PTH2R: variants seen among roughly 807,000 people sequenced by gnomAD.
PTH2R encodes parathyroid hormone 2 receptor.
A neutral mutation model predicts 60.3 loss-of-function variants in PTH2R; 59 were observed. The ratio of observed to expected loss-of-function variants is 0.98; its 90% CI spans 0.79 to 1.22. PTH2R has a LOEUF of 1.22. Among genes scored for constraint, PTH2R ranks in the 50% most tolerant of loss-of-function variants. PTH2R has a pLI of 0.00. For synonymous variants in PTH2R, 256 were observed against 243.8 expected, an observed-to-expected ratio of 1.05 and a Z score of -0.47; for missense variants, 749 against 682.6, an observed-to-expected ratio of 1.10 and a Z score of -1.08.
chr2:208,427,877 AATT>A (rs1370611031), intron 1 of PTH2R, among the ~76,000 whole-genome samples: 2 of 150,910 alleles, frequency 1.3e-5, no homozygotes, highest in Non-Finnish European at 3.0e-5. Flanking sequence ...TCTCTAATAT[AATT>A]ATTTTATTTT....
chr2:208,475,333 A>G (rs1323361457), intron 9 of PTH2R, among the ~76,000 whole-genome samples: 1 of 152,180 alleles, frequency 6.6e-6, no homozygotes, highest in Non-Finnish European at 1.5e-5. Context: ...TAGTACATAC[A>G]TCTAAGCTAT....
intron 6 of PTH2R, 25 bp from the exon 7 acceptor site, chr2:208,444,709 T>C: frequency 6.2e-7 from 1 of 1,606,380 alleles, no homozygotes; most frequent in Non-Finnish European, 8.5e-7. Flanking sequence ...TCTAATATGA[T>C]GAAATTCTGG....
chr2:208,429,597 C>T (rs530917987), intron 2 of PTH2R, among the ~76,000 whole-genome samples: 123 of 152,020 alleles, frequency 8.1e-4, no homozygotes, highest in African/African-American at 2.9e-3. Flanking sequence ...ATATCTTTTC[C>T]AATCCTTTAA....
At chr2:208,361,004 T>G (rs1574801944) in intron 1 of PTH2R, 2 of 224,522 alleles carry the variant, frequency 8.9e-6, no homozygotes, top group East Asian at 1.1e-4. Flanking sequence ...GGCTTCTTGA[T>G]GTACTTGCAC....
intron 9 of PTH2R, among the ~76,000 whole-genome samples, chr2:208,469,013 A>G (rs1217789473): frequency 1.3e-5 from 2 of 152,226 alleles, no homozygotes; most frequent in Non-Finnish European, 2.9e-5. Flanking sequence ...TTGTGAGTTC[A>G]TTTTATGCAA....
rs1703467638 is a variant in PTH2R, at chr2:208,493,742, T to C, written c.*83T>C. On this transcript the variant is annotated 3_prime_UTR_variant, in exon 13 of 13. Coordinates refer to ENST00000272847, the MANE Select transcript of PTH2R (RefSeq NM_005048.4). The stretch of plus-strand genomic sequence containing the variant: ...CTTGGCTGATACTCCTATGCTTGAG[T>C]TCAAAGGCTGAAAATTCAGTTAAGG... 2 of 1,412,184 alleles carry C rather than the reference T, an allele frequency of 1.4e-6. No individual in the cohort carries two copies. The highest frequency in any genetic ancestry group is 1.9e-6 in the Non-Finnish European group (2 of 1,062,982). 87.5% of individuals were successfully genotyped at this position (1,412,184 alleles called of 1,614,324 possible).
intron 8 of PTH2R, among the ~76,000 whole-genome samples, chr2:208,458,391 A>G (rs1702558039): frequency 6.6e-6 from 1 of 152,226 alleles, no homozygotes; most frequent in Admixed American, 6.5e-5. Context: ...TTTTAAAATT[A>G]GGATAAGGTC....
chr2:208,408,734 GAGAGAA>G (rs1476500713), intron 1 of PTH2R, among the ~76,000 whole-genome samples: 20 of 60,494 alleles, frequency 3.3e-4, no homozygotes, highest in African/African-American at 6.0e-4. Flanking sequence ...GAGAGAGAGA[GAGAGAA>G]AGAGAGAGAG....
At chr2:208,434,515 C>T (rs1312832898) in intron 2 of PTH2R, among the ~76,000 whole-genome samples, 1 of 151,846 alleles carries the variant, frequency 6.6e-6, no homozygotes, top group Non-Finnish European at 1.5e-5. Flanking sequence ...CCTTTTAGAG[C>T]ATGAGGAAAA....
chr2:208,450,901 T>C, intron 8 of PTH2R, 92 bp downstream of exon 8: 1 of 1,400,764 alleles, frequency 7.1e-7, no homozygotes, highest in Non-Finnish European at 1.0e-6. Flanking sequence ...CTGTTCTTGA[T>C]GCCATTGCTT....
intron 1 of PTH2R, among the ~76,000 whole-genome samples, chr2:208,362,270 G>A (rs1237446673): frequency 6.6e-6 from 1 of 152,134 alleles, no homozygotes; most frequent in African/African-American, 2.4e-5. Context: ...TCTCTAGCTT[G>A]CATATGGCAT....
intron 1 of PTH2R, among the ~76,000 whole-genome samples, chr2:208,383,545 C>T (rs1280408141): frequency 1.3e-5 from 2 of 152,214 alleles, no homozygotes; most frequent in Non-Finnish European, 2.9e-5. Context: ...TCAATCACAA[C>T]TCCAACAGTT....
intron 9 of PTH2R, among the ~76,000 whole-genome samples, chr2:208,461,884 T>C (rs767047203): frequency 5.3e-5 from 8 of 152,370 alleles, no homozygotes; most frequent in Non-Finnish European, 1.0e-4. Flanking sequence ...AGATTCGCTG[T>C]TGGCGAAGGA....
intron 4 of PTH2R, among the ~76,000 whole-genome samples, chr2:208,442,065 A>G (rs1287988954): frequency 1.3e-5 from 2 of 152,332 alleles, no homozygotes; most frequent in East Asian, 3.9e-4. Flanking sequence ...AGAATAGTCA[A>G]GAGGTATATG....
rs1418438235 is a variant in PTH2R, at chr2:208,437,879, A to G, written c.409A>G (p.Lys137Glu). The part of the protein sequence containing the change: ...RFLQPDISIG[K>E]QEFFERLYVM... ...TCTGCAGCCAGATATCAGCATAGGA[A>G]AGGTAATGGAATTTCTCTATTTGTG... is the stretch of plus-strand genomic sequence containing the variant. Residue 137 changes from lysine to glutamate, a missense_variant and splice_region_variant, in exon 4 of 13, where the codon AAG (lysine) becomes GAG (glutamate). Lys to Glu is a moderately conservative substitution (Grantham distance 56). Transcript: ENST00000272847. The G allele has an allele frequency of 6.2e-7, 1 of 1,608,856 alleles. No homozygotes were observed. The highest frequency in any genetic ancestry group is 1.3e-5 in the African/African-American group (1 of 74,948).
chr2:208,364,213 T>G (rs963659279), intron 1 of PTH2R, among the ~76,000 whole-genome samples: 7 of 152,192 alleles, frequency 4.6e-5, no homozygotes, highest in African/African-American at 1.7e-4. Context: ...AACAAAAGTT[T>G]TTATGTTTGA....
intron 1 of PTH2R, among the ~76,000 whole-genome samples, chr2:208,414,727 G>A (rs1383708718): frequency 6.6e-6 from 1 of 152,054 alleles, no homozygotes. Context: ...TGCCTCATAA[G>A]CTAAGAATGA....
chr2:208,467,385 T>C (rs1241087875), intron 9 of PTH2R, among the ~76,000 whole-genome samples: 1 of 152,184 alleles, frequency 6.6e-6, no homozygotes, highest in Admixed American at 6.5e-5. Context: ...AAAACACTTT[T>C]AGTATTAAGT....
chr2:208,394,615 C>A (rs1701171302), intron 1 of PTH2R, among the ~76,000 whole-genome samples: 1 of 152,136 alleles, frequency 6.6e-6, no homozygotes, highest in African/African-American at 2.4e-5. Context: ...CTTTTGACCT[C>A]CTAGACTTGT....
Sources: allele counts gnomAD v4.1 joint callset (sites outside exome capture counted in the v4.1 genomes callset), GRCh38; gene constraint gnomAD v4.1.1; transcripts MANE v1.5; gene names NCBI Gene and HGNC (gene_info 2026-07-23, HGNC 2026-07-21).